Variants in PTPRT observed in about 807,000 individuals in gnomAD.
PTPRT encodes the protein protein tyrosine phosphatase receptor type T.
PTPRT carries 56 observed loss-of-function variants against 176.8 expected under a neutral mutation model. The ratio of observed to expected loss-of-function variants is 0.32; its 90% CI spans 0.26 to 0.40. The LOEUF (loss-of-function observed/expected upper bound fraction) is 0.40, where lower values mean the gene tolerates loss of function less well. PTPRT is among the 10% of genes least tolerant of loss of function. The pLI, the probability that PTPRT is intolerant of heterozygous loss-of-function variation, is 1.00. For synonymous variants in PTPRT, 783 were observed against 739.0 expected (o/e 1.06, Z -0.96); for missense variants, 1,540 against 1,908.2 (o/e 0.81, Z 3.60).
chr20:42,921,076 T>C lies in PTPRT; in HGVS notation c.89-35144A>G, dbSNP rs191427108. Among the ~76,000 whole-genome samples, 661 of 152,200 alleles carry C rather than the reference T, an allele frequency of 4.3e-3. 1 individual carries two copies. Among genetic ancestry groups the C allele is most frequent in the Non-Finnish European group, 7.5e-3 (509 of 68,004 alleles). On this transcript the variant is annotated intron_variant, in intron 1 of 30. Coordinates refer to ENST00000373187, the MANE Select transcript of PTPRT (RefSeq NM_007050.6). ...GAAATGTTAAGTGAGGAAAGCAGGA[T>C]AGAAAATGAGCTTGCACTAACATTA...
intron 9 of PTPRT, among the ~76,000 whole-genome samples, chr20:42,422,128 C>T (rs2059124079): frequency 6.6e-6 from 1 of 152,144 alleles, no homozygotes; most frequent in Non-Finnish European, 1.5e-5. Flanking sequence ...CAATACCATT[C>T]AGGACATAGG....
chr20:42,113,530 G>A (rs888466693), intron 22 of PTPRT, among the ~76,000 whole-genome samples: 1 of 152,214 alleles, frequency 6.6e-6, no homozygotes, highest in Non-Finnish European at 1.5e-5. Context: ...GATGGTCCAC[G>A]ATCAGCAGAC....
chr20:42,154,034 G>A (rs1248705602), intron 17 of PTPRT, among the ~76,000 whole-genome samples: 4 of 152,172 alleles, frequency 2.6e-5, no homozygotes, highest in Non-Finnish European at 1.5e-5. Context: ...GGGGTGGAGT[G>A]GAGTGAAACG....
intron 2 of PTPRT, among the ~76,000 whole-genome samples, chr20:42,795,468 G>A (rs1045202818): frequency 2.6e-5 from 4 of 152,204 alleles, no homozygotes; most frequent in African/African-American, 7.2e-5. Flanking sequence ...ATTTCCTCAC[G>A]TCGGCAGTAA....
intron 1 of PTPRT, among the ~76,000 whole-genome samples, chr20:43,085,289 C>A (rs1423448793): frequency 6.6e-6 from 1 of 152,198 alleles, no homozygotes; most frequent in African/African-American, 2.4e-5. Context: ...TTTGCTCCTA[C>A]ACCAAACTCT....
At chr20:43,053,820 T>C (rs1222198388) in intron 1 of PTPRT, among the ~76,000 whole-genome samples, 1 of 152,140 alleles carries the variant, frequency 6.6e-6, no homozygotes, top group Non-Finnish European at 1.5e-5. Context: ...CAAGCCTGCC[T>C]TGCACATTTT....
intron 9 of PTPRT, among the ~76,000 whole-genome samples, chr20:42,402,688 A>G (rs1368759735): frequency 6.6e-6 from 1 of 152,014 alleles, no homozygotes; most frequent in Non-Finnish European, 1.5e-5. Context: ...AGAAAAAGCG[A>G]TAATAATGCT....
At chr20:42,104,956 G>A (rs566391756) in intron 24 of PTPRT, among the ~76,000 whole-genome samples, 90 of 152,284 alleles carry the variant, frequency 5.9e-4, no homozygotes, top group Non-Finnish European at 8.8e-4. Context: ...ATGATAAAAT[G>A]AGAAACTTCT....
chr20:42,684,212 G>A (rs917944269), intron 6 of PTPRT, among the ~76,000 whole-genome samples: 4 of 152,074 alleles, frequency 2.6e-5, no homozygotes, highest in African/African-American at 9.7e-5. Context: ...GGGCACGGTG[G>A]TAAGCACTTG....
intron 1 of PTPRT, among the ~76,000 whole-genome samples, chr20:43,073,356 G>C (rs1033327278): frequency 1.3e-5 from 2 of 151,838 alleles, no homozygotes; most frequent in African/African-American, 4.8e-5. Context: ...CGTTATCTTG[G>C]TAAATTTGCC....
chr20:42,108,251 TATTTC>T (rs3092813), intron 23 of PTPRT, among the ~76,000 whole-genome samples: 100,362 of 151,290 alleles, frequency 0.66, 34,103 homozygotes, highest in African/African-American at 0.82. Context: ...AAGCTGTGTT[TATTTC>T]ATTTCAGCAT....
At chr20:42,648,291 T>C (rs1292171056) in intron 7 of PTPRT, among the ~76,000 whole-genome samples, 2 of 152,090 alleles carry the variant, frequency 1.3e-5, no homozygotes, top group Non-Finnish European at 1.5e-5. Context: ...AAAAGGGCTG[T>C]TGGGGTGCTT....
chr20:42,098,826 A>G (rs1381285303), intron 26 of PTPRT, among the ~76,000 whole-genome samples: 3 of 152,238 alleles, frequency 2.0e-5, no homozygotes, highest in South Asian at 2.1e-4. Flanking sequence ...TCAGCAAATA[A>G]TCATAATTAC....
At chr20:42,924,223 G>A (rs1979342652) in intron 1 of PTPRT, among the ~76,000 whole-genome samples, 1 of 151,874 alleles carries the variant, frequency 6.6e-6, no homozygotes, top group Admixed American at 6.6e-5. Context: ...TTTATAACCT[G>A]CCTTTTAACC....
intron 9 of PTPRT, among the ~76,000 whole-genome samples, chr20:42,402,546 C>A (rs2145708780): frequency 6.7e-6 from 1 of 149,522 alleles, no homozygotes. Context: ...CAGTATTGAG[C>A]CAGTTCTGAA....
intron 7 of PTPRT, among the ~76,000 whole-genome samples, chr20:42,645,764 A>ATGTGTGTGTGTGTG (rs59454108): frequency 2.6e-3 from 360 of 139,566 alleles, no homozygotes; most frequent in African/African-American, 8.8e-3. Flanking sequence ...ATGTGTATTT[A>ATGTGTGTGTGTGTG]TGTGTGTGTG....
chr20:42,543,931 A>C (rs78146331), intron 7 of PTPRT, among the ~76,000 whole-genome samples: 3,212 of 152,232 alleles, frequency 0.021, 65 homozygotes, highest in South Asian at 0.097. Flanking sequence ...AGTGGGCTTA[A>C]AATCTTCAGT....
chr20:42,294,630 G>C lies in PTPRT; in HGVS notation c.2140-12105C>G, dbSNP rs73909259. On this transcript the variant is annotated intron_variant, in intron 12 of 30. Coordinates refer to ENST00000373187, the MANE Select transcript of PTPRT (RefSeq NM_007050.6). ...TTGAAAGAGCCTAATAAAGCTACTA[G>C]ATGAAGAAAACAGAAAATGTCAAAA... Among the ~76,000 whole-genome samples the C allele has an allele frequency of 6.7e-3, 1,023 of 151,800 alleles. 11 individuals carry two copies. Among genetic ancestry groups the C allele is most frequent in the African/African-American group, 0.023 (961 of 41,418 alleles).
At chr20:42,172,648 T>C (rs1600629519) in intron 16 of PTPRT, among the ~76,000 whole-genome samples, 1 of 152,244 alleles carries the variant, frequency 6.6e-6, no homozygotes, top group Non-Finnish European at 1.5e-5. Flanking sequence ...TGTGTAACTA[T>C]AGTACAATAT....
Sources: allele counts gnomAD v4.1 joint callset (sites outside exome capture counted in the v4.1 genomes callset), GRCh38; gene constraint gnomAD v4.1.1; transcripts MANE v1.5; gene names NCBI Gene and HGNC (gene_info 2026-07-23, HGNC 2026-07-21).